NIBAN1: variants seen among roughly 807,000 people sequenced by gnomAD.
NIBAN1 encodes protein Niban 1.
A neutral mutation model predicts 75.1 loss-of-function variants in NIBAN1; 81 were observed. The ratio of observed to expected loss-of-function variants is 1.08; its 90% CI spans 0.90 to 1.30. The LOEUF (loss-of-function observed/expected upper bound fraction) is 1.30, where lower values mean the gene tolerates loss of function less well. Ranked by LOEUF, NIBAN1 falls within the 50% of genes most tolerant of loss-of-function variation. NIBAN1 has a pLI of 0.00. For missense variants in NIBAN1, 1,133 were observed against 1,128.1 expected (o/e 1.00, Z -0.06); for synonymous variants, 436 against 424.8 (o/e 1.03, Z -0.32).
chr1:184,967,661 T>C (rs906600048), intron 1 of NIBAN1, among the ~76,000 whole-genome samples: 3 of 152,212 alleles, frequency 2.0e-5, no homozygotes, highest in Non-Finnish European at 4.4e-5. Flanking sequence ...AAATTACTAT[T>C]GTCATCCTAG....
chr1:184,958,308 G>A (rs1658540348), intron 1 of NIBAN1, among the ~76,000 whole-genome samples: 1 of 151,696 alleles, frequency 6.6e-6, no homozygotes, highest in East Asian at 1.9e-4. Flanking sequence ...CTGGAAGGCA[G>A]AGGTTGCAGA....
chr1:184,806,844 C>T (rs879931761), intron 10 of NIBAN1, among the ~76,000 whole-genome samples: 1 of 147,700 alleles, frequency 6.8e-6, no homozygotes, highest in Admixed American at 6.8e-5. Flanking sequence ...TCTTGGTTCA[C>T]TGCAACCTCT....
At position 184,796,116 on chromosome 1, in the gene NIBAN1, CA is replaced by C. The variant is rs751958059; in HGVS notation, c.1667-20del. On this transcript the variant is annotated intron_variant, in intron 13 of 13. Coordinates refer to ENST00000367511, the MANE Select transcript of NIBAN1 (RefSeq NM_052966.4). ...TTTATCACTGAGAGATATCAGAAAA[CA>C]AAACATGATTTTCTGATTTTATTGA... The C allele has an allele frequency of 5.4e-6, 8 of 1,488,904 alleles. No homozygotes were observed. In the East Asian group the frequency reaches 1.7e-4, roughly 31 times the overall value. 92.2% of individuals were successfully genotyped at this position (1,488,904 alleles called of 1,614,324 possible).
At chr1:184,829,963 T>C (rs983986971) in intron 6 of NIBAN1, among the ~76,000 whole-genome samples, 1 of 152,220 alleles carries the variant, frequency 6.6e-6, no homozygotes, top group Admixed American at 6.5e-5. Context: ...TTTGCATTTG[T>C]CCACTTAGCA....
chr1:184,964,279 T>C (rs1658722857), intron 1 of NIBAN1, among the ~76,000 whole-genome samples: 2 of 152,164 alleles, frequency 1.3e-5, no homozygotes, highest in South Asian at 4.1e-4. Context: ...TAGCAAAAGA[T>C]AGGATTTTCC....
At chr1:184,851,566 C>T (rs1655535979) in intron 5 of NIBAN1, among the ~76,000 whole-genome samples, 2 of 26,562 alleles carry the variant, frequency 7.5e-5, no homozygotes, top group South Asian at 1.4e-3. Flanking sequence ...CAGCATGGCA[C>T]ATGTATACAT....
intron 6 of NIBAN1, 106 bp from the exon 7 acceptor site, chr1:184,823,848 T>A (rs540134246): frequency 1.5e-4 from 133 of 860,808 alleles, no homozygotes; most frequent in Non-Finnish European, 2.3e-4. Context: ...CCGGACCAGA[T>A]GAACTCTGTA....
intron 1 of NIBAN1, among the ~76,000 whole-genome samples, chr1:184,915,697 G>A (rs1657367900): frequency 1.3e-5 from 2 of 152,220 alleles, no homozygotes; most frequent in South Asian, 4.2e-4. Flanking sequence ...TTAGAATGGA[G>A]GTAAGAGAGA....
At chr1:184,957,813 C>T (rs940871789) in intron 1 of NIBAN1, among the ~76,000 whole-genome samples, 1 of 152,120 alleles carries the variant, frequency 6.6e-6, no homozygotes, top group Admixed American at 6.5e-5. Context: ...AATTATCGTG[C>T]CTGTTTTCCA....
At chr1:184,895,804 C>T (rs1557904371) in intron 2 of NIBAN1, among the ~76,000 whole-genome samples, 1 of 152,150 alleles carries the variant, frequency 6.6e-6, no homozygotes, top group Non-Finnish European at 1.5e-5. Flanking sequence ...TAACTGAAAA[C>T]ATGTGGTATT....
chr1:184,937,260 T>G (rs1421316220), intron 1 of NIBAN1, among the ~76,000 whole-genome samples: 1 of 151,352 alleles, frequency 6.6e-6, no homozygotes, highest in African/African-American at 2.4e-5. Context: ...ACTTCTGGGT[T>G]CAAGCAATGC....
intron 5 of NIBAN1, among the ~76,000 whole-genome samples, chr1:184,867,080 T>C (rs1655975292): frequency 6.6e-6 from 1 of 152,028 alleles, no homozygotes; most frequent in Non-Finnish European, 1.5e-5. Flanking sequence ...CCGATACTAA[T>C]GCGGTGACAT....
chr1:184,908,512 G>A (rs1344504983), intron 1 of NIBAN1, among the ~76,000 whole-genome samples: 5 of 152,148 alleles, frequency 3.3e-5, no homozygotes, highest in Non-Finnish European at 5.9e-5. Flanking sequence ...AAATCCCGCT[G>A]TGGTCAACTT....
chr1:184,911,254 C>T (rs925786528), intron 1 of NIBAN1, among the ~76,000 whole-genome samples: 3 of 152,144 alleles, frequency 2.0e-5, no homozygotes, highest in Non-Finnish European at 4.4e-5. Context: ...ATATCTAGTG[C>T]TTCTATGTAA....
chr1:184,795,255 C>T lies in NIBAN1; in HGVS notation c.2509G>A (p.Asp837Asn). 1 of 1,613,444 alleles carries T rather than the reference C, an allele frequency of 6.2e-7. No homozygotes were observed. The change falls in exon 14 of 14, where the codon GAT (aspartate) becomes AAT (asparagine). Residue 837 changes from aspartate (D) to asparagine (N), a missense_variant. By Grantham distance (23) the Asp-to-Asn change is conservative. Coordinates refer to ENST00000367511, the MANE Select transcript of NIBAN1 (RefSeq NM_052966.4). Reference sequence around the variant, plus strand: ...GTGCAGCCCTCTTGCTGTGAGGCATCCCCTTCCTCGGTACACTTGCCCCCT... The same window carrying T: ...GTGCAGCCCTCTTGCTGTGAGGCATTCCCTTCCTCGGTACACTTGCCCCCT... The part of the protein sequence containing the change: ...GRGGKCTEEG[D>N]ASQQEGCTLG...
chr1:184,813,192 A>G (rs1654433072), intron 9 of NIBAN1, among the ~76,000 whole-genome samples: 1 of 152,222 alleles, frequency 6.6e-6, no homozygotes, highest in Admixed American at 6.5e-5. Flanking sequence ...ACTACTGTGT[A>G]ATGTTCTTCT....
chr1:184,885,571 AC>A (rs1460429156), intron 4 of NIBAN1, among the ~76,000 whole-genome samples: 1 of 151,816 alleles, frequency 6.6e-6, no homozygotes, highest in Non-Finnish European at 1.5e-5. Context: ...CAACCTGTGC[AC>A]CCCCTCACTC....
At chr1:184,896,175 T>C (rs780985385) in intron 2 of NIBAN1, among the ~76,000 whole-genome samples, 13 of 152,192 alleles carry the variant, frequency 8.5e-5, no homozygotes, top group Non-Finnish European at 1.6e-4. Flanking sequence ...ACATTCCCAC[T>C]AACAGTGTAT....
chr1:184,946,459 C>T (rs1658228471), intron 1 of NIBAN1, among the ~76,000 whole-genome samples: 1 of 152,116 alleles, frequency 6.6e-6, no homozygotes, highest in East Asian at 1.9e-4. Flanking sequence ...AATTGTAGAT[C>T]TGATTCTCAA....
Sources: allele counts gnomAD v4.1 joint callset (sites outside exome capture counted in the v4.1 genomes callset), GRCh38; gene constraint gnomAD v4.1.1; transcripts MANE v1.5; gene names NCBI Gene and HGNC (gene_info 2026-07-23, HGNC 2026-07-21).